The following MAG variants were observed in gnomAD, a reference collection of about 807,000 sequenced individuals.
MAG encodes the protein myelin associated glycoprotein.
Under a neutral mutation model 60.7 loss-of-function variants are expected in MAG, and 30 were observed. The ratio of observed to expected loss-of-function variants is 0.49; its 90% confidence interval spans 0.37 to 0.67. The LOEUF (loss-of-function observed/expected upper bound fraction) is 0.67, where lower values mean the gene tolerates loss of function less well. Ranked by LOEUF, MAG falls within the 30% of genes least tolerant of loss-of-function variation. The pLI, the probability that MAG is intolerant of heterozygous loss-of-function variation, is 0.00. For synonymous variants in MAG, 384 were observed against 376.8 expected (o/e 1.02, Z -0.22); for missense variants, 795 against 851.7 (o/e 0.93, Z 0.83).
Position 35,293,581 on chromosome 19 carries a change from AG to A in MAG, c.-79-653del, listed in dbSNP as rs970543345. ...GAAGAGGGCGGTGAAGGCTGGGAAAAGCAATTGCTTGGAAACCCTGGCTGCA... is the reference window on the plus strand; with the variant it reads ...GAAGAGGGCGGTGAAGGCTGGGAAAACAATTGCTTGGAAACCCTGGCTGCA... On this transcript the variant is annotated intron_variant, in intron 1 of 10. Coordinates refer to ENST00000392213, the MANE Select transcript of MAG (RefSeq NM_002361.4). This position sits in a 1 kb window ranked among gnomAD's most constrained non-coding sequence, Gnocchi z 4.0. Among the ~76,000 whole-genome samples the A allele has an allele frequency of 1.3e-5, 2 of 151,838 alleles. No individual in the cohort carries two copies. The highest frequency in any genetic ancestry group is 4.8e-5 in the African/African-American group (2 of 41,282).
Position 35,311,957 on chromosome 19 carries a change from C to T in MAG, c.1656C>T (p.Asp552=). 1 of 1,613,426 alleles carries T rather than the reference C, an allele frequency of 6.2e-7. No individual in the cohort carries two copies. The highest frequency in any genetic ancestry group is 8.5e-7 in the Non-Finnish European group (1 of 1,179,652). The change falls in exon 10 of 11, where the codon GAC becomes GAT. Residue 552 remains aspartate (D), a synonymous_variant. Transcript: ENST00000392213. ...AGAGCCCCAGCTTCTCGGCAGGGGA[C>T]AACCCTCCCGTCCTGTTCAGCAGCG... ...VTESPSFSAG[D]NPPVLFSSDF...
chr19:35,304,070 A>C (rs1047170739), intron 7 of MAG, among the ~76,000 whole-genome samples: 2 of 152,188 alleles, frequency 1.3e-5, no homozygotes, highest in African/African-American at 4.8e-5. Flanking sequence ...TACACAGTAC[A>C]TGCTCTGTGC....
Position 35,299,868 on chromosome 19 carries a change from C to CGGGGT in MAG, c.712+22_712+23insTGGGG. The CGGGGT allele has an allele frequency of 2.3e-5, 3 of 133,188 alleles. No homozygotes were observed. Among genetic ancestry groups the CGGGGT allele is most frequent in the Non-Finnish European group, 3.1e-5 (3 of 97,490 alleles). The allele number at this position is 133,188 out of a possible 1,614,324, so 8.3% of individuals were successfully genotyped here. A position where few individuals can be genotyped will look rare whatever the true frequency, so the allele number is the denominator to read the frequency against. On this transcript the variant is annotated intron_variant, in intron 5 of 10. Transcript: ENST00000392213. ...CGTCAAGTGTGAGCCTGGGTGCGGG[C>CGGGGT]GGGGCGGGGTGGGGCGGGGTGGGGC... is the stretch of plus-strand genomic sequence containing the variant.
chr19:35,297,202 ACAC>A (rs1299906770), intron 4 of MAG, among the ~76,000 whole-genome samples: 1 of 126,472 alleles, frequency 7.9e-6, no homozygotes, highest in Non-Finnish European at 1.7e-5. Flanking sequence ...CACTACACAC[ACAC>A]CACACACACC....
At chr19:35,312,634 C>A (rs1373679614) in intron 10 of MAG, 1 of 486,646 alleles carries the variant, frequency 2.1e-6, no homozygotes, top group Non-Finnish European at 3.7e-6. Flanking sequence ...TGGGGGGGCA[C>A]GTACCAAACC....
chr19:35,305,690 C>T (rs2066478472), intron 7 of MAG, among the ~76,000 whole-genome samples: 1 of 152,170 alleles, frequency 6.6e-6, no homozygotes, highest in Non-Finnish European at 1.5e-5. Context: ...CGTGGTGGCC[C>T]ACACCTGTAG....
chr19:35,297,306 A>T (rs1358821409), intron 4 of MAG, among the ~76,000 whole-genome samples: 1 of 148,426 alleles, frequency 6.7e-6, no homozygotes, highest in Non-Finnish European at 1.5e-5. Context: ...CACCACACAC[A>T]CACCACACCA....
rs2066432099 is a variant in MAG at position 35,299,723 on chromosome 19, C to G, written c.585C>G (p.Thr195=). The change falls in exon 5 of 11, where the codon ACC becomes ACG. Residue 195 remains threonine (T), a synonymous_variant. Transcript: ENST00000392213. ...GCCGGCTGCGGGAGGACGAGGGCACCTGGGTGCAGGTGTCACTGCTGCACT... is the reference window on the plus strand; with the variant it reads ...GCCGGCTGCGGGAGGACGAGGGCACGTGGGTGCAGGTGTCACTGCTGCACT... ...VLGRLREDEG[T]WVQVSLLHFV... 1 of 1,570,510 alleles carries G rather than the reference C, an allele frequency of 6.4e-7. No individual in the cohort carries two copies. Among genetic ancestry groups the G allele is most frequent in the African/African-American group, 1.4e-5 (1 of 73,520 alleles).
In MAG at chr19:35,295,687, C is replaced by A; in HGVS notation, c.121C>A (p.Pro41Thr). 6.2e-7 allele frequency: 1 copy of A among 1,613,176 alleles called. No individual in the cohort carries two copies. The highest frequency in any genetic ancestry group is 8.5e-7 in the Non-Finnish European group (1 of 1,179,996). ...SAFEGTCVSIPCRFDFPDELR... is the reference protein window; with the variant it reads ...SAFEGTCVSITCRFDFPDELR... The stretch of plus-strand genomic sequence containing the variant: ...CTTCGAAGGCACGTGCGTCTCCATC[C>A]CCTGCCGCTTTGACTTCCCGGATGA... Residue 41 changes from proline to threonine, a missense_variant, in exon 4 of 11, where the codon CCC (proline) becomes ACC (threonine). By Grantham distance (38) the Pro-to-Thr change is conservative. Coordinates refer to ENST00000392213, the MANE Select transcript of MAG (RefSeq NM_002361.4). The surrounding 1 kb of genome is among the most constrained non-coding windows in gnomAD (Gnocchi z 5.8).
chr19:35,299,780 G>C lies in MAG; in HGVS notation c.642G>C (p.Arg214Ser). Residue 214 changes from arginine to serine, a missense_variant, in exon 5 of 11, where the codon AGG becomes AGC. Arg to Ser is a moderately radical substitution (Grantham distance 110). Transcript: ENST00000392213. ...FVPTREANGHRLGCQASFPNT... is the reference protein window; with the variant it reads ...FVPTREANGHSLGCQASFPNT... ...CCACGAGGGAGGCCAACGGCCACAG[G>C]CTGGGCTGCCAGGCCTCCTTCCCCA... The C allele has an allele frequency of 6.5e-7, 1 of 1,546,932 alleles. No homozygotes were observed. Among genetic ancestry groups the C allele is most frequent in the African/African-American group, 1.4e-5 (1 of 73,050 alleles).
At chr19:35,297,499 C>T (rs1568470929) in intron 4 of MAG, among the ~76,000 whole-genome samples, 1 of 148,066 alleles carries the variant, frequency 6.8e-6, no homozygotes, top group Admixed American at 6.7e-5. Flanking sequence ...ACACACCACA[C>T]CAAACACACA....
In MAG at chr19:35,309,978, C is replaced by T. The variant is rs1335981087; in HGVS notation, c.1336C>T (p.Leu446=). The change falls in exon 8 of 11, where the codon CTG becomes TTG. Residue 446 remains leucine, a synonymous_variant. Coordinates refer to ENST00000392213, the MANE Select transcript of MAG (RefSeq NM_002361.4). ...SNPEPSVAFE[L]PSRNVTVNES... ...CCCGGAGCCGTCCGTGGCCTTTGAGCTGCCATCGCGCAATGTGACCGTGAA... is the reference window on the plus strand; with the variant it reads ...CCCGGAGCCGTCCGTGGCCTTTGAGTTGCCATCGCGCAATGTGACCGTGAA... 4 of 1,613,922 alleles carry T rather than the reference C, an allele frequency of 2.5e-6. No individual in the cohort carries two copies. Among genetic ancestry groups the T allele is most frequent in the Admixed American group, 1.7e-5 (1 of 60,010 alleles).
intron 7 of MAG, among the ~76,000 whole-genome samples, chr19:35,305,791 C>T (rs1161209686): frequency 1.3e-5 from 2 of 152,192 alleles, no homozygotes; most frequent in African/African-American, 4.8e-5. Flanking sequence ...CCCATCTCTA[C>T]TAAAAATACA....
chr19:35,309,820 G>A, intron 7 of MAG, 54 bp from the exon 8 acceptor site: 1 of 1,572,968 alleles, frequency 6.4e-7, no homozygotes, highest in Non-Finnish European at 8.6e-7. Flanking sequence ...AGTCTCCGGG[G>A]CCGGGCCTCG....
Position 35,302,220 on chromosome 19 carries a change from G to T in MAG, c.971-228G>T, listed in dbSNP as rs78981026. ...TGAGGCCCAGAGAGGTTAAGATGTGGGTCCACACACAACTGGACAGGGGTA... is the reference window on the plus strand; with the variant it reads ...TGAGGCCCAGAGAGGTTAAGATGTGTGTCCACACACAACTGGACAGGGGTA... On this transcript the variant is annotated intron_variant, in intron 6 of 10. Coordinates refer to ENST00000392213, the MANE Select transcript of MAG (RefSeq NM_002361.4). Among the ~76,000 whole-genome samples the T allele has an allele frequency of 5.4e-3, 825 of 152,170 alleles. 46 individuals are homozygous for T. In the East Asian group the frequency reaches 0.12, roughly 23 times the overall value.
chr19:35,312,131 G>A lies in MAG; in HGVS notation c.1716+114G>A, dbSNP rs1473789636. On this transcript the variant is annotated intron_variant, in intron 10 of 10. Coordinates refer to ENST00000392213, the MANE Select transcript of MAG (RefSeq NM_002361.4). ...GAGTGGGAGCGGCCTCTCACAGGAGGAGAGGAAGGACATTCCAGGGCTGGG... is the reference window on the plus strand; with the variant it reads ...GAGTGGGAGCGGCCTCTCACAGGAGAAGAGGAAGGACATTCCAGGGCTGGG... 431 of 1,264,974 alleles carry A rather than the reference G, an allele frequency of 3.4e-4. 1 individual carries two copies. The highest frequency in any genetic ancestry group is 3.4e-5 in the Non-Finnish European group (29 of 863,864). The allele number at this position is 1,264,974 out of a possible 1,614,324, so 78.4% of individuals were successfully genotyped here. A position where few individuals can be genotyped will look rare whatever the true frequency, so the allele number is the denominator to read the frequency against.
At position 35,293,941 on chromosome 19, in the gene MAG, C is replaced by T. The variant is rs780148732; in HGVS notation, c.-79-294C>T. Among the ~76,000 whole-genome samples, 3 of 152,046 alleles carry T rather than the reference C, an allele frequency of 2.0e-5. No homozygotes were observed. The highest frequency in any genetic ancestry group is 2.1e-4 in the South Asian group (1 of 4,812). On this transcript the variant is annotated intron_variant, in intron 1 of 10. Coordinates refer to ENST00000392213, the MANE Select transcript of MAG (RefSeq NM_002361.4). The surrounding 1 kb of genome is among the most constrained non-coding windows in gnomAD (Gnocchi z 4.0). ...GTCCCTGCCCGCCACCCCCAGGCCC[C>T]GGCCGTGGGACATCTGCTCCCTCAC...
At chr19:35,309,126 G>A (rs763601626) in intron 7 of MAG, among the ~76,000 whole-genome samples, 7 of 152,156 alleles carry the variant, frequency 4.6e-5, no homozygotes, top group Non-Finnish European at 1.0e-4. Flanking sequence ...GAAACGGCCC[G>A]TCCCTGTGAC....
At chr19:35,304,152 C>T (rs1175732787) in intron 7 of MAG, among the ~76,000 whole-genome samples, 2 of 152,174 alleles carry the variant, frequency 1.3e-5, no homozygotes, top group African/African-American at 2.4e-5. Flanking sequence ...GTGGCAAAGC[C>T]GTCCCTCTCC....
Sources: allele counts gnomAD v4.1 joint callset (sites outside exome capture counted in the v4.1 genomes callset), GRCh38; gene constraint gnomAD v4.1.1; non-coding constraint Gnocchi (gnomAD v3.1); transcripts MANE v1.5; gene names NCBI Gene and HGNC (gene_info 2026-07-23, HGNC 2026-07-21).